The following NUDT1 variants were observed in gnomAD, a reference collection of about 807,000 sequenced individuals.
The protein encoded by NUDT1 is nudix hydrolase 1.
A neutral mutation model predicts 11.3 loss-of-function variants in NUDT1; 16 were observed. The observed-to-expected ratio is 1.41, with a 90% CI of 0.96 to 2.15. The LOEUF (loss-of-function observed/expected upper bound fraction) is 2.15, where lower values mean the gene tolerates loss of function less well. Among genes scored for constraint, NUDT1 ranks in the 30% most tolerant of loss-of-function variants. The probability of loss-of-function intolerance (pLI) is 0.00; values close to 1 mark genes in which losing one functional copy is unlikely to be tolerated. For missense variants in NUDT1, 234 were observed against 208.4 expected (o/e 1.12, Z -0.76); for synonymous variants, 101 against 84.4 (o/e 1.20, Z -1.08).
At chr7:2,244,389 A>C (rs1794680705) in intron 1 of NUDT1, 174 bp from the exon 2 acceptor site, 1 of 595,326 alleles carries the variant, frequency 1.7e-6, no homozygotes, top group Admixed American at 3.3e-5. Context: ...TCACTGGTTC[A>C]ATGGCAGTTT....
Position 2,246,392 on chromosome 7 carries a change from G to A in NUDT1, c.152+1666G>A, listed in dbSNP as rs535234531. 5.3e-5 allele frequency among the ~76,000 whole-genome samples: 8 copies of A among 152,366 alleles called. No individual in the cohort carries two copies. The East Asian group carries it at 5.8e-4, about 11-fold the overall frequency. On this transcript the variant is annotated intron_variant, in intron 2 of 3. Transcript: ENST00000356714. Reference sequence around the variant, plus strand: ...CAGGAAAATGCTCTGAGGGCCTGACGTTGGCTGGGAGAGTGTGGAAGGAGG... The same window carrying A: ...CAGGAAAATGCTCTGAGGGCCTGACATTGGCTGGGAGAGTGTGGAAGGAGG...
intron 1 of NUDT1, 46 bp downstream of exon 1, chr7:2,242,302 G>A (rs571695080): frequency 8.0e-5 from 70 of 869,686 alleles, no homozygotes; most frequent in Non-Finnish European, 1.0e-4. Context: ...GGTGACCAGG[G>A]AGGGGAGCCG....
At chr7:2,242,638 G>A (rs1794593987) in intron 1 of NUDT1, 1 of 347,646 alleles carries the variant, frequency 2.9e-6, no homozygotes, top group Non-Finnish European at 5.3e-6. Flanking sequence ...CCCAGTCTCA[G>A]TGAAATGGGA....
At chr7:2,250,134 T>C in intron 3 of NUDT1, 132 bp downstream of exon 3, 1 of 1,196,222 alleles carries the variant, frequency 8.4e-7, no homozygotes, top group Non-Finnish European at 1.2e-6. Flanking sequence ...CACCCCACAG[T>C]GCCAGCGTGG....
chr7:2,250,144 G>C (rs1794929994), intron 3 of NUDT1, 142 bp downstream of exon 3: 2 of 1,106,500 alleles, frequency 1.8e-6, no homozygotes, highest in Non-Finnish European at 2.6e-6. Context: ...TGCCAGCGTG[G>C]GGCCCATGAG....
chr7:2,244,657 GGGCC>G lies in NUDT1; in HGVS notation c.90_93del (p.Arg31GlyfsTer28). The G allele has an allele frequency of 6.2e-7, 1 of 1,613,908 alleles. No individual in the cohort carries two copies. Among genetic ancestry groups the G allele is most frequent in the Non-Finnish European group, 8.5e-7 (1 of 1,179,930 alleles). The stretch of plus-strand genomic sequence containing the variant: ...CTGGGCATGAAAAAGCGAGGCTTCG[GGGCC>G]GGCCGGTGGAATGGCTTTGGGGGCA... On this transcript the variant is annotated frameshift_variant, in exon 2 of 4. Coordinates refer to ENST00000356714, the MANE Select transcript of NUDT1 (RefSeq NM_002452.4). LOFTEE classifies it high-confidence loss of function.
At position 2,244,636 on chromosome 7, in the gene NUDT1, G is replaced by T; in HGVS notation, c.62G>T (p.Gly21Val). 1.2e-6 allele frequency: 2 copies of T among 1,613,972 alleles called. No homozygotes were observed. Among genetic ancestry groups the T allele is most frequent in the African/African-American group, 2.7e-5 (2 of 75,038 alleles). The part of the protein sequence containing the change: ...LVLQPQRVLL[G>V]MKKRGFGAGR... ...CTGCAGCCTCAGCGAGTTCTCCTGG[G>T]CATGAAAAAGCGAGGCTTCGGGGCC... Residue 21 changes from glycine (G) to valine (V), a missense_variant, in exon 2 of 4, where the codon GGC becomes GTC. Coordinates refer to ENST00000356714, the MANE Select transcript of NUDT1 (RefSeq NM_002452.4).
chr7:2,247,932 AG>A (rs1794834351), intron 2 of NUDT1: 1 of 152,236 alleles, frequency 6.6e-6, no homozygotes, highest in African/African-American at 2.4e-5. Flanking sequence ...TTTATACCCA[AG>A]TAGAAGCACA....
intron 2 of NUDT1, among the ~76,000 whole-genome samples, chr7:2,245,473 G>A (rs184361665): frequency 9.8e-5 from 15 of 152,298 alleles, no homozygotes; most frequent in African/African-American, 3.4e-4. Context: ...TAAGAAATAC[G>A]TTTTGTACTC....
Position 2,249,890 on chromosome 7 carries a change from C to T in NUDT1, c.186C>T (p.Asp62=), listed in dbSNP as rs778187267. Residue 62 remains aspartate, a synonymous_variant, in exon 3 of 4, where the codon GAC becomes GAT. Transcript: ENST00000356714. ...AGGAGGAGAGCGGTCTGACAGTGGA[C>T]GCCCTGCACAAGGTGGGCCAGATCG... ...ELQEESGLTV[D]ALHKVGQIVF... is the part of the protein sequence containing the mutation. 7 of 1,613,962 alleles carry T rather than the reference C, an allele frequency of 4.3e-6. No individual in the cohort carries two copies. The highest frequency in any genetic ancestry group is 2.7e-5 in the African/African-American group (2 of 74,948).
rs774269541 is a variant in NUDT1 at position 2,250,971 on chromosome 7, C to T, written c.441C>T (p.Asp147=). The change falls in exon 4 of 4, where the codon GAC becomes GAT. Residue 147 remains aspartate, a synonymous_variant. Coordinates refer to ENST00000356714, the MANE Select transcript of NUDT1 (RefSeq NM_002452.4). ...FKFQGQDTIL[D]YTLREVDTV ...TCCAGGGTCAGGACACCATCCTGGA[C>T]TACACACTCCGCGAGGTGGACACGG... The T allele has an allele frequency of 1.1e-5, 17 of 1,613,892 alleles. No homozygotes were observed. Among genetic ancestry groups the T allele is most frequent in the Admixed American group, 3.3e-5 (2 of 59,998 alleles).
intron 2 of NUDT1, 53 bp downstream of exon 2, chr7:2,244,779 T>C (rs1794706999): frequency 1.0e-5 from 16 of 1,571,792 alleles, no homozygotes; most frequent in Non-Finnish European, 1.4e-5. Flanking sequence ...GGCACAGGGA[T>C]TCGGGCTGTA....
At chr7:2,247,301 C>T (rs1794805832) in intron 2 of NUDT1, among the ~76,000 whole-genome samples, 1 of 152,200 alleles carries the variant, frequency 6.6e-6, no homozygotes, top group African/African-American at 2.4e-5. Flanking sequence ...AGGCCAAGAG[C>T]CGGTTTAGGC....
chr7:2,250,122 T>G lies in NUDT1; in HGVS notation c.298+120T>G, dbSNP rs1584646863. ...AGGGACCGGGCAGCCTGCGTCCCCC[T>G]CCACCCCACAGTGCCAGCGTGGGGC... On this transcript the variant is annotated intron_variant, in intron 3 of 3. Coordinates refer to ENST00000356714, the MANE Select transcript of NUDT1 (RefSeq NM_002452.4). 5.3e-6 allele frequency: 7 copies of G among 1,319,566 alleles called. No homozygotes were observed. In the South Asian group the frequency reaches 6.6e-5, roughly 13 times the overall value. The allele number at this position is 1,319,566 out of a possible 1,614,324, so 81.7% of individuals were successfully genotyped here. A position where few individuals can be genotyped will look rare whatever the true frequency, so the allele number is the denominator to read the frequency against.
At chr7:2,248,459 G>C (rs1177176288) in intron 2 of NUDT1, among the ~76,000 whole-genome samples, 1 of 152,090 alleles carries the variant, frequency 6.6e-6, no homozygotes, top group African/African-American at 2.4e-5. Context: ...GAGTTGAGAA[G>C]GCGGCTGGGT....
chr7:2,244,483 C>T (rs548421435), intron 1 of NUDT1, 80 bp from the exon 2 acceptor site: 72 of 1,293,350 alleles, frequency 5.6e-5, no homozygotes, highest in African/African-American at 3.9e-4. Flanking sequence ...TCCCAGAGCA[C>T]GTCCCCTTCC....
chr7:2,247,253 A>T (rs976381086), intron 2 of NUDT1, among the ~76,000 whole-genome samples: 1 of 152,104 alleles, frequency 6.6e-6, no homozygotes, highest in South Asian at 2.1e-4. Flanking sequence ...ACCCAGTCCT[A>T]TTCTATCAGG....
chr7:2,244,402 C>T, intron 1 of NUDT1, 161 bp from the exon 2 acceptor site: 1 of 656,012 alleles, frequency 1.5e-6, no homozygotes, highest in Non-Finnish European at 2.5e-6. Flanking sequence ...GGCAGTTTTC[C>T]ACCTGCCACA....
intron 2 of NUDT1, among the ~76,000 whole-genome samples, chr7:2,245,328 T>C (rs1391441949): frequency 1.1e-4 from 16 of 152,136 alleles, no homozygotes; most frequent in Non-Finnish European, 1.5e-4. Context: ...TAGCCCCCGT[T>C]CGTGTTTTTG....
Sources: allele counts gnomAD v4.1 joint callset (sites outside exome capture counted in the v4.1 genomes callset), GRCh38; gene constraint gnomAD v4.1.1; transcripts MANE v1.5; gene names NCBI Gene and HGNC (gene_info 2026-07-23, HGNC 2026-07-21).